CSMD1: variants seen among roughly 807,000 people sequenced by gnomAD.
CSMD1 encodes CUB and sushi domain-containing protein 1.
In CSMD1, 213 loss-of-function variants were observed where a neutral mutation model predicts 417.5. The ratio of observed to expected loss-of-function variants is 0.51; its 90% CI spans 0.46 to 0.57. The LOEUF (loss-of-function observed/expected upper bound fraction) is 0.57. CSMD1 is among the 20% of genes least tolerant of loss of function. The pLI is 0.00. For synonymous variants in CSMD1, 2,862 were observed against 1,736.8 expected (o/e 1.65, Z -16.11); for missense variants, 6,923 against 4,529.7 (o/e 1.53, Z -15.17).
chr8:3,718,824 A>G (rs1369260267), intron 6 of CSMD1, among the ~76,000 whole-genome samples: 1 of 152,160 alleles, frequency 6.6e-6, no homozygotes, highest in Non-Finnish European at 1.5e-5. Context: ...AAGTTTTCAG[A>G]CATAAGCAGG....
intron 12 of CSMD1, among the ~76,000 whole-genome samples, chr8:3,415,910 A>G (rs1585131751): frequency 6.6e-6 from 1 of 152,224 alleles, no homozygotes; most frequent in East Asian, 1.9e-4. Context: ...AAATTGCCAA[A>G]GAAGATTTTG....
intron 5 of CSMD1, among the ~76,000 whole-genome samples, chr8:3,761,845 G>A (rs1798021864): frequency 6.6e-6 from 1 of 151,982 alleles, no homozygotes; most frequent in Non-Finnish European, 1.5e-5. Flanking sequence ...TCCACCCGGA[G>A]CGGCACTCAT....
chr8:3,841,797 A>C (rs1803154016), intron 5 of CSMD1, among the ~76,000 whole-genome samples: 1 of 152,072 alleles, frequency 6.6e-6, no homozygotes, highest in South Asian at 2.1e-4. Flanking sequence ...AATACGTGCA[A>C]ATCAGCCCAT....
At position 2,936,042 on chromosome 8, in the gene CSMD1, C is replaced by CGTTGG. The variant is rs946004992; in HGVS notation, c.*2542_*2543insCCAAC. On this transcript the variant is annotated 3_prime_UTR_variant, in exon 70 of 70. Coordinates refer to ENST00000635120, the MANE Select transcript of CSMD1 (RefSeq NM_033225.6). ...ACTGCCCTAAAATGAGATCCTCCAA[C>CGTTGG]ACCTTGCGGAGACGCCGTTCAACAC... The CGTTGG allele has an allele frequency of 1.9e-4, 29 of 152,322 alleles. No homozygotes were observed. The highest frequency in any genetic ancestry group is 5.8e-4 in the African/African-American group (24 of 41,576). The allele number at this position is 152,322 out of a possible 1,614,324, so 9.4% of individuals were successfully genotyped here. A position where few individuals can be genotyped will look rare whatever the true frequency, so the allele number is the denominator to read the frequency against.
chr8:4,172,306 G>T (rs1563220287), intron 3 of CSMD1, among the ~76,000 whole-genome samples: 1 of 151,994 alleles, frequency 6.6e-6, no homozygotes, highest in African/African-American at 2.4e-5. Flanking sequence ...CCACTGAGCA[G>T]GTGTGGCTAC....
At chr8:3,875,106 G>C (rs980820466) in intron 5 of CSMD1, among the ~76,000 whole-genome samples, 2 of 147,812 alleles carry the variant, frequency 1.4e-5, no homozygotes, top group Admixed American at 1.3e-4. Context: ...TCCTAGAGGG[G>C]CTTCAGGAAC....
At position 4,724,697 on chromosome 8, in the gene CSMD1, T is replaced by A. The variant is rs760134327; in HGVS notation, c.86-87139A>T. The stretch of plus-strand genomic sequence containing the variant: ...TTGTATTTTAAATTATTGAACACCA[T>A]TCTAAAAGATGTATCTTGGTAAGAT... On this transcript the variant is annotated intron_variant, in intron 1 of 69. Coordinates refer to ENST00000635120, the MANE Select transcript of CSMD1 (RefSeq NM_033225.6). 5.1e-4 allele frequency among the ~76,000 whole-genome samples: 78 copies of A among 152,138 alleles called. 1 individual carries two copies. The highest frequency in any genetic ancestry group is 4.1e-4 in the South Asian group (2 of 4,836).
intron 16 of CSMD1, among the ~76,000 whole-genome samples, chr8:3,399,065 G>T (rs1013122603): frequency 6.6e-6 from 1 of 152,062 alleles, no homozygotes; most frequent in African/African-American, 2.4e-5. Context: ...ACCCAGAGTG[G>T]TTTCCATGTG....
chr8:4,417,877 A>G (rs1162207744), intron 3 of CSMD1, among the ~76,000 whole-genome samples: 1 of 151,944 alleles, frequency 6.6e-6, no homozygotes, highest in Non-Finnish European at 1.5e-5. Context: ...ATTTCCTTGG[A>G]AAGTAATAGT....
chr8:4,822,544 C>T (rs557432771), intron 1 of CSMD1, among the ~76,000 whole-genome samples: 2 of 152,112 alleles, frequency 1.3e-5, no homozygotes, highest in African/African-American at 4.8e-5. Flanking sequence ...CCACCTGTGA[C>T]TTAAACTATG....
intron 5 of CSMD1, among the ~76,000 whole-genome samples, chr8:3,969,594 C>T (rs1228868084): frequency 6.6e-6 from 1 of 151,988 alleles, no homozygotes; most frequent in East Asian, 1.9e-4. Flanking sequence ...AATTTCATTC[C>T]ATCGTAACTT....
intron 5 of CSMD1, among the ~76,000 whole-genome samples, chr8:3,962,334 G>A (rs1314574287): frequency 1.3e-5 from 2 of 152,078 alleles, no homozygotes; most frequent in Non-Finnish European, 2.9e-5. Flanking sequence ...GATTATGCAG[G>A]ATTAAGATCC....
intron 6 of CSMD1, among the ~76,000 whole-genome samples, chr8:3,731,337 A>T (rs1328554626): frequency 1.3e-5 from 2 of 152,280 alleles, no homozygotes; most frequent in African/African-American, 4.8e-5. Flanking sequence ...AAAGAAAGAG[A>T]TGGAGGAATA....
chr8:4,027,581 G>T (rs926205713), intron 4 of CSMD1, among the ~76,000 whole-genome samples: 2 of 152,100 alleles, frequency 1.3e-5, no homozygotes, highest in Non-Finnish European at 2.9e-5. Context: ...CATGGTTCCT[G>T]AGGCCTCCGC....
chr8:3,142,214 A>G (rs1018558480), intron 41 of CSMD1, among the ~76,000 whole-genome samples: 8 of 152,096 alleles, frequency 5.3e-5, no homozygotes, highest in African/African-American at 1.9e-4. Context: ...CTCCATTGCA[A>G]TTCCCGTCTT....
chr8:3,797,720 T>A (rs1353685435), intron 5 of CSMD1, among the ~76,000 whole-genome samples: 1 of 152,018 alleles, frequency 6.6e-6, no homozygotes, highest in Non-Finnish European at 1.5e-5. Context: ...AAAGCTGCTA[T>A]ACATATTCTT....
At chr8:3,680,817 G>A (rs1799616786) in intron 7 of CSMD1, among the ~76,000 whole-genome samples, 1 of 152,164 alleles carries the variant, frequency 6.6e-6, no homozygotes, top group Non-Finnish European at 1.5e-5. Flanking sequence ...GAACTCAGCA[G>A]CACATCAAAA....
intron 26 of CSMD1, among the ~76,000 whole-genome samples, chr8:3,231,191 G>A (rs989660053): frequency 3.9e-5 from 6 of 152,104 alleles, no homozygotes; most frequent in African/African-American, 1.4e-4. Context: ...GTGTCGCACT[G>A]AAAATTAGAA....
At chr8:4,754,066 G>A (rs978386122) in intron 1 of CSMD1, among the ~76,000 whole-genome samples, 5 of 152,050 alleles carry the variant, frequency 3.3e-5, no homozygotes, top group Non-Finnish European at 7.4e-5. Flanking sequence ...AAATGTATGC[G>A]TTGCTCACCA....
Sources: allele counts gnomAD v4.1 joint callset (sites outside exome capture counted in the v4.1 genomes callset), GRCh38; gene constraint gnomAD v4.1.1; transcripts MANE v1.5; gene names NCBI Gene and HGNC (gene_info 2026-07-23, HGNC 2026-07-21).